Variants in CSMD1 observed in about 807,000 individuals in gnomAD.
The protein encoded by CSMD1 is CUB and sushi domain-containing protein 1.
Under a neutral mutation model 417.5 loss-of-function variants are expected in CSMD1, and 213 were observed. The observed-to-expected ratio is 0.51, with a 90% CI of 0.46 to 0.57. The LOEUF (loss-of-function observed/expected upper bound fraction) is 0.57, where lower values mean the gene tolerates loss of function less well. Among genes scored for constraint, CSMD1 ranks in the 20% least tolerant of loss-of-function variants. The pLI, the probability that CSMD1 is intolerant of heterozygous loss-of-function variation, is 0.00. For missense variants in CSMD1, 6,923 were observed against 4,529.7 expected (o/e 1.53, Z -15.17); for synonymous variants, 2,862 against 1,736.8 (o/e 1.65, Z -16.11).
Position 3,412,117 on chromosome 8 carries a change from T to C in CSMD1, c.1562-2512A>G, listed in dbSNP as rs560103028. 1.1e-3 allele frequency among the ~76,000 whole-genome samples: 123 copies of C among 114,242 alleles called. 7 individuals are homozygous for C. The highest frequency in any genetic ancestry group is 3.8e-3 in the African/African-American group (113 of 29,360). The allele number at this position is 114,242 out of a possible 152,430, so 74.9% of individuals were successfully genotyped here. Reference sequence around the variant, plus strand: ...ACGTATATATACATATATACATATATACACACGTATATATACATATATACA... The same window carrying C: ...ACGTATATATACATATATACATATACACACACGTATATATACATATATACA... On this transcript the variant is annotated intron_variant, in intron 12 of 69. Transcript: ENST00000635120.
intron 3 of CSMD1, among the ~76,000 whole-genome samples, chr8:4,196,544 G>A (rs886893433): frequency 1.3e-5 from 2 of 152,120 alleles, no homozygotes; most frequent in South Asian, 2.1e-4. Flanking sequence ...GCTGTAAACT[G>A]TGAGTCATTC....
At chr8:3,712,374 A>AGG in intron 6 of CSMD1, among the ~76,000 whole-genome samples, 1 of 97,732 alleles carries the variant, frequency 1.0e-5, no homozygotes, top group East Asian at 3.4e-4. Flanking sequence ...GCAAAGAAAC[A>AGG]GGAGAGAGAG....
At chr8:3,894,562 G>A (rs887515167) in intron 5 of CSMD1, among the ~76,000 whole-genome samples, 1 of 151,998 alleles carries the variant, frequency 6.6e-6, no homozygotes, top group East Asian at 1.9e-4. Context: ...ACCTAAAATA[G>A]ATTTCTACAT....
chr8:4,727,589 G>A (rs992875905), intron 1 of CSMD1, among the ~76,000 whole-genome samples: 5 of 152,104 alleles, frequency 3.3e-5, no homozygotes, highest in African/African-American at 1.2e-4. Flanking sequence ...CTTACCTAAC[G>A]TCTTCTAGCT....
At chr8:3,169,891 G>C (rs947320187) in intron 37 of CSMD1, among the ~76,000 whole-genome samples, 1 of 152,126 alleles carries the variant, frequency 6.6e-6, no homozygotes, top group Non-Finnish European at 1.5e-5. Context: ...ATGTGAGAAT[G>C]GGCTGGCTCT....
chr8:3,910,259 G>T (rs192195119), intron 5 of CSMD1, among the ~76,000 whole-genome samples: 3 of 152,112 alleles, frequency 2.0e-5, no homozygotes, highest in East Asian at 1.9e-4. Flanking sequence ...TGTCAGAGGC[G>T]TTTCCCAGCT....
At chr8:3,140,109 G>T (rs1203885547) in intron 41 of CSMD1, among the ~76,000 whole-genome samples, 2 of 151,938 alleles carry the variant, frequency 1.3e-5, no homozygotes, top group African/African-American at 4.8e-5. Context: ...TCACCATATC[G>T]GCCAGGTTGG....
At chr8:4,308,482 T>C in intron 3 of CSMD1, among the ~76,000 whole-genome samples, 1 of 152,160 alleles carries the variant, frequency 6.6e-6, no homozygotes, top group East Asian at 1.9e-4. Context: ...AGGGCCAATG[T>C]GAAACACGGC....
At chr8:3,536,196 A>G (rs1343904574) in intron 10 of CSMD1, among the ~76,000 whole-genome samples, 1 of 152,204 alleles carries the variant, frequency 6.6e-6, no homozygotes, top group African/African-American at 2.4e-5. Context: ...TATCCAGAGC[A>G]CTGTAGGTTT....
intron 5 of CSMD1, among the ~76,000 whole-genome samples, chr8:3,985,703 C>T (rs1020717752): frequency 1.3e-5 from 2 of 151,674 alleles, no homozygotes; most frequent in Non-Finnish European, 2.9e-5. Flanking sequence ...AATCAAGTAA[C>T]AACTTGATTC....
intron 7 of CSMD1, among the ~76,000 whole-genome samples, chr8:3,647,816 G>T (rs1374630878): frequency 6.6e-6 from 1 of 152,210 alleles, no homozygotes; most frequent in African/African-American, 2.4e-5. Context: ...TATGGCAAAT[G>T]TATAATGTTG....
At chr8:3,677,187 G>T (rs1001232716) in intron 7 of CSMD1, among the ~76,000 whole-genome samples, 1 of 151,896 alleles carries the variant, frequency 6.6e-6, no homozygotes, top group African/African-American at 2.4e-5. Flanking sequence ...AAAGAAACAC[G>T]TATATAAGAC....
intron 5 of CSMD1, among the ~76,000 whole-genome samples, chr8:3,891,396 G>A (rs916774232): frequency 6.6e-5 from 10 of 152,128 alleles, no homozygotes; most frequent in Non-Finnish European, 8.8e-5. Flanking sequence ...AAATCCATCC[G>A]AGGCCAGGTA....
chr8:4,567,042 A>C (rs1163165727), intron 2 of CSMD1, among the ~76,000 whole-genome samples: 1 of 152,218 alleles, frequency 6.6e-6, no homozygotes, highest in East Asian at 1.9e-4. Flanking sequence ...CCTACGGAGA[A>C]GTATTTGAAA....
intron 11 of CSMD1, among the ~76,000 whole-genome samples, chr8:3,471,054 G>A (rs745501572): frequency 6.6e-6 from 1 of 152,158 alleles, no homozygotes; most frequent in Non-Finnish European, 1.5e-5. Flanking sequence ...GGCAATAGCT[G>A]CATTGTGAAA....
At chr8:4,420,909 C>G (rs887470691) in intron 2 of CSMD1, among the ~76,000 whole-genome samples, 1 of 152,194 alleles carries the variant, frequency 6.6e-6, no homozygotes, top group African/African-American at 2.4e-5. Context: ...AGGAGCCCTC[C>G]TCCCTCCCTG....
At chr8:4,034,537 G>C (rs1186526318) in intron 3 of CSMD1, among the ~76,000 whole-genome samples, 1 of 152,054 alleles carries the variant, frequency 6.6e-6, no homozygotes. Context: ...CATTTATAAG[G>C]AAGAAAAACT....
intron 3 of CSMD1, among the ~76,000 whole-genome samples, chr8:4,207,144 T>C (rs1415521713): frequency 6.6e-6 from 1 of 152,152 alleles, no homozygotes; most frequent in Non-Finnish European, 1.5e-5. Context: ...TTGGTAAAAA[T>C]AGGATAATTT....
At chr8:3,354,542 G>T (rs953518901) in intron 21 of CSMD1, among the ~76,000 whole-genome samples, 3 of 151,990 alleles carry the variant, frequency 2.0e-5, no homozygotes, top group African/African-American at 7.2e-5. Flanking sequence ...CGTAATAGAA[G>T]TCTATATTAA....
Sources: allele counts gnomAD v4.1 joint callset (sites outside exome capture counted in the v4.1 genomes callset), GRCh38; gene constraint gnomAD v4.1.1; transcripts MANE v1.5; gene names NCBI Gene and HGNC (gene_info 2026-07-23, HGNC 2026-07-21).